Variants in PARN observed in about 807,000 individuals in gnomAD.
The protein encoded by PARN is poly(A)-specific ribonuclease PARN.
A neutral mutation model predicts 102.8 loss-of-function variants in PARN; 71 were observed. The observed-to-expected ratio is 0.69, with a 90% CI of 0.57 to 0.84. The LOEUF is 0.84. Ranked by LOEUF, PARN falls within the 40% of genes least tolerant of loss-of-function variation. PARN has a pLI of 0.00. For synonymous variants in PARN, 261 were observed against 252.9 expected, an observed-to-expected ratio of 1.03 and a Z score of -0.30; for missense variants, 782 against 760.9, an observed-to-expected ratio of 1.03 and a Z score of -0.33.
intron 1 of PARN, 149 bp downstream of exon 1, chr16:14,629,958 C>G: frequency 2.7e-6 from 2 of 741,714 alleles, no homozygotes; most frequent in Non-Finnish European, 4.5e-6. Context: ...CGGAAAAGAC[C>G]CCAAGAGGCG....
At chr16:14,516,376 T>C (rs1250467536) in intron 21 of PARN, among the ~76,000 whole-genome samples, 1 of 152,100 alleles carries the variant, frequency 6.6e-6, no homozygotes, top group South Asian at 2.1e-4. Context: ...CAATATTGCA[T>C]GCTGAAAGGC....
At chr16:14,625,773 T>C (rs1298567456) in intron 5 of PARN, among the ~76,000 whole-genome samples, 2 of 152,216 alleles carry the variant, frequency 1.3e-5, no homozygotes, top group Non-Finnish European at 2.9e-5. Context: ...CCCTCGAGGC[T>C]TTCATAACTG....
intron 9 of PARN, among the ~76,000 whole-genome samples, chr16:14,606,775 T>A (rs1283952690): frequency 6.6e-6 from 1 of 151,698 alleles, no homozygotes. Flanking sequence ...GACTTAGGTA[T>A]TTTCTATTTT....
At chr16:14,543,928 C>G (rs1966856862) in intron 21 of PARN, among the ~76,000 whole-genome samples, 1 of 152,214 alleles carries the variant, frequency 6.6e-6, no homozygotes, top group Non-Finnish European at 1.5e-5. Flanking sequence ...GGCACGGTGG[C>G]TCACGCCTGT....
chr16:14,523,236 C>T (rs1195541718), intron 21 of PARN, among the ~76,000 whole-genome samples: 2 of 151,554 alleles, frequency 1.3e-5, no homozygotes, highest in Non-Finnish European at 3.0e-5. Flanking sequence ...CACACACACA[C>T]ACACACACAC....
intron 6 of PARN, among the ~76,000 whole-genome samples, chr16:14,613,969 TA>T (rs1195518146): frequency 3.9e-5 from 6 of 152,012 alleles, no homozygotes; most frequent in Non-Finnish European, 8.8e-5. Context: ...TTAAAAACAC[TA>T]AAAACAATAA....
chr16:14,466,712 A>G (rs767871474), intron 22 of PARN, among the ~76,000 whole-genome samples: 5 of 152,236 alleles, frequency 3.3e-5, no homozygotes, highest in Non-Finnish European at 7.3e-5. Flanking sequence ...TGGTATTACT[A>G]CATTCCACAA....
intron 22 of PARN, among the ~76,000 whole-genome samples, chr16:14,473,547 G>C (rs565694356): frequency 1.3e-5 from 2 of 152,230 alleles, no homozygotes; most frequent in African/African-American, 4.8e-5. Flanking sequence ...ATAGAACCTA[G>C]AGCAAACAAG....
chr16:14,599,259 T>G (rs1204307220), intron 12 of PARN, among the ~76,000 whole-genome samples: 1 of 152,076 alleles, frequency 6.6e-6, no homozygotes, highest in Non-Finnish European at 1.5e-5. Context: ...CCCAGGCTGG[T>G]CTCGAACTCC....
At chr16:14,581,730 G>A (rs906686130) in intron 17 of PARN, among the ~76,000 whole-genome samples, 1 of 152,220 alleles carries the variant, frequency 6.6e-6, no homozygotes, top group Admixed American at 6.5e-5. Context: ...GATCAGCCTG[G>A]TTAACACAGC....
At chr16:14,568,469 G>A (rs1968572825) in intron 18 of PARN, among the ~76,000 whole-genome samples, 1 of 151,756 alleles carries the variant, frequency 6.6e-6, no homozygotes, top group South Asian at 2.1e-4. Context: ...AGCTGGGTGT[G>A]GTAGCATGCA....
chr16:14,506,880 G>A (rs1235375667), intron 21 of PARN, among the ~76,000 whole-genome samples: 1 of 152,014 alleles, frequency 6.6e-6, no homozygotes, highest in Non-Finnish European at 1.5e-5. Context: ...AAATGCATGA[G>A]GTCTAACTCC....
rs778705967 is a variant in PARN at position 14,617,657 on chromosome 16, C to CA, written c.328-8dup. ...GAAAGTCAATGCTGGAGCTCTGAAA[C>CA]AGAGTAAACAGAACACATGTTTTGG... On this transcript the variant is annotated splice_region_variant and splice_polypyrimidine_tract_variant and intron_variant, in intron 5 of 23. Transcript: ENST00000437198. 3.2e-6 allele frequency: 5 copies of CA among 1,561,660 alleles called. No homozygotes were observed. The African/African-American group carries it at 4.1e-5, about 13-fold the overall frequency.
intron 21 of PARN, among the ~76,000 whole-genome samples, chr16:14,503,965 A>C (rs114852518): frequency 6.6e-6 from 1 of 152,204 alleles, no homozygotes; most frequent in Non-Finnish European, 1.5e-5. Context: ...TCTTAGAAGC[A>C]GTGAACCAAG....
intron 6 of PARN, among the ~76,000 whole-genome samples, chr16:14,615,306 A>G (rs1209690710): frequency 6.6e-6 from 1 of 151,832 alleles, no homozygotes; most frequent in East Asian, 1.9e-4. Context: ...TTTATGGGAA[A>G]AAAAAAAAAA....
chr16:14,538,748 C>T (rs567091786), intron 21 of PARN, among the ~76,000 whole-genome samples: 15 of 152,276 alleles, frequency 9.9e-5, no homozygotes, highest in Middle Eastern at 3.4e-3. Flanking sequence ...TGTTAGGAAC[C>T]AGGCTGCACA....
intron 21 of PARN, among the ~76,000 whole-genome samples, chr16:14,519,526 G>A (rs1325805008): frequency 6.6e-6 from 1 of 152,102 alleles, no homozygotes; most frequent in Non-Finnish European, 1.5e-5. Context: ...CTGGGGAAGT[G>A]AATGTACAAG....
intron 22 of PARN, among the ~76,000 whole-genome samples, chr16:14,480,575 AT>A (rs1167551101): frequency 6.6e-6 from 1 of 152,256 alleles, no homozygotes; most frequent in East Asian, 1.9e-4. Context: ...CGTCAATATC[AT>A]TAGTCATGAG....
intron 21 of PARN, among the ~76,000 whole-genome samples, chr16:14,490,651 TC>T: frequency 6.6e-6 from 1 of 152,236 alleles, no homozygotes; most frequent in African/African-American, 2.4e-5. Context: ...CTCTCCTTAT[TC>T]CCCTCAGAGC....
Sources: gnomAD v4.1 joint callset for allele counts (sites outside exome capture counted in the v4.1 genomes callset) on GRCh38, gnomAD v4.1.1 for gene constraint, MANE v1.5 for transcripts, NCBI Gene and HGNC (gene_info 2026-07-23, HGNC 2026-07-21) for gene names.